CCNC: variants seen among roughly 807,000 people sequenced by gnomAD.
CCNC encodes the protein cyclin C, also known as cyclin-C.
CCNC carries 19 observed loss-of-function variants against 50.0 expected under a neutral mutation model. The ratio of observed to expected loss-of-function variants is 0.38; its 90% CI spans 0.27 to 0.56. The LOEUF (loss-of-function observed/expected upper bound fraction) is 0.56. Among genes scored for constraint, CCNC ranks in the 20% least tolerant of loss-of-function variants. CCNC has a pLI of 0.72. For synonymous variants in CCNC, 93 were observed against 103.7 expected, an observed-to-expected ratio of 0.90 and a Z score of 0.63; for missense variants, 200 against 327.1, an observed-to-expected ratio of 0.61 and a Z score of 3.00.
chr6:99,557,779 A>G (rs1802591358), intron 5 of CCNC: 2 of 125,744 alleles, frequency 1.6e-5, no homozygotes, highest in Middle Eastern at 8.5e-3. Flanking sequence ...ACAGAGCGAG[A>G]CTCTGTCTCA....
intron 9 of CCNC, among the ~76,000 whole-genome samples, chr6:99,549,143 G>A (rs903250702): frequency 2.6e-5 from 4 of 152,136 alleles, no homozygotes; most frequent in Non-Finnish European, 5.9e-5. Flanking sequence ...CTCAACCTCT[G>A]AGTATTTGTT....
chr6:99,545,083 G>T, intron 11 of CCNC, 29 bp downstream of exon 11: 3 of 1,022,916 alleles, frequency 2.9e-6, no homozygotes, highest in Non-Finnish European at 3.1e-6. Flanking sequence ...ATGATTAAAT[G>T]ACATCAATAA....
chr6:99,555,543 C>T (rs1303333136), intron 5 of CCNC, among the ~76,000 whole-genome samples: 1 of 151,928 alleles, frequency 6.6e-6, no homozygotes, highest in Non-Finnish European at 1.5e-5. Flanking sequence ...GCTTAGGCAA[C>T]CCTCCCACTT....
At chr6:99,551,708 T>C (rs1802307854) in intron 6 of CCNC, 132 bp downstream of exon 6, 3 of 493,710 alleles carry the variant, frequency 6.1e-6, no homozygotes, top group Middle Eastern at 6.3e-4. Flanking sequence ...AGCTTTAATT[T>C]AGAATAATGT....
At position 99,551,907 on chromosome 6, in the gene CCNC, A is replaced by G. The variant is rs1304942199; in HGVS notation, c.347-12T>C. 1 of 1,248,978 alleles carries G rather than the reference A, an allele frequency of 8.0e-7. No homozygotes were observed. Among genetic ancestry groups the G allele is most frequent in the Middle Eastern group, 2.1e-4 (1 of 4,872 alleles). 77.4% of individuals were successfully genotyped at this position (1,248,978 alleles called of 1,614,324 possible). ...AAATCTAGTTTTTACTGCAGAAAAT[A>G]AAAAAAAAATTTAAACTGAGAAAAT... On this transcript the variant is annotated splice_polypyrimidine_tract_variant and intron_variant, in intron 5 of 11. Coordinates refer to ENST00000520429, the MANE Select transcript of CCNC (RefSeq NM_005190.4).
At chr6:99,567,948 CT>C (rs1034343804) in intron 1 of CCNC, 4 of 153,164 alleles carry the variant, frequency 2.6e-5, no homozygotes, top group Admixed American at 6.5e-5. Context: ...TGCCCTATAC[CT>C]TATCAATATA....
intron 5 of CCNC, among the ~76,000 whole-genome samples, chr6:99,556,636 G>A (rs748486434): frequency 6.6e-6 from 1 of 152,102 alleles, no homozygotes; most frequent in Non-Finnish European, 1.5e-5. Context: ...TTACCCTCAT[G>A]TGTAAAAATA....
At position 99,561,357 on chromosome 6, in the gene CCNC, T is replaced by G; in HGVS notation, c.294+10A>C. 1 of 1,580,370 alleles carries G rather than the reference T, an allele frequency of 6.3e-7. No homozygotes were observed. Among genetic ancestry groups the G allele is most frequent in the Non-Finnish European group, 8.7e-7 (1 of 1,150,150 alleles). On this transcript the variant is annotated intron_variant, in intron 4 of 11. Transcript: ENST00000520429. ...TACACTTTGATGAAGAACAGAAAATTGTTTTATACCTCTACTTTGGATGCC... is the reference window on the plus strand; with the variant it reads ...TACACTTTGATGAAGAACAGAAAATGGTTTTATACCTCTACTTTGGATGCC...
chr6:99,562,799 G>A (rs772528270), intron 2 of CCNC, 43 bp downstream of exon 2: 6 of 1,105,200 alleles, frequency 5.4e-6, no homozygotes, highest in Non-Finnish European at 1.3e-6. Context: ...TTATTCAGAG[G>A]TAACCAACTA....
At chr6:99,548,802 CAAAAAA>C (rs71021744) in intron 9 of CCNC, among the ~76,000 whole-genome samples, 3 of 106,554 alleles carry the variant, frequency 2.8e-5, no homozygotes, top group Admixed American at 9.7e-5. Flanking sequence ...GACTCCATCT[CAAAAAA>C]AAAAAAAAAA....
At position 99,545,132 on chromosome 6, in the gene CCNC, TTTTGGC is replaced by T. The variant is rs1321567830; in HGVS notation, c.771_776del (p.Met257_Lys259delinsIle). Reference sequence around the variant, plus strand: ...AGTACCTGTTTGGAGGTGGTTTTGGTTTTGGCATCTTACTAAGAATGGTTGCCATCT... The same window carrying T: ...AGTACCTGTTTGGAGGTGGTTTTGGTATCTTACTAAGAATGGTTGCCATCT... On this transcript the variant is annotated inframe_deletion, in exon 11 of 12. Coordinates refer to ENST00000520429, the MANE Select transcript of CCNC (RefSeq NM_005190.4). 6.3e-7 allele frequency: 1 copy of T among 1,599,718 alleles called. No individual in the cohort carries two copies.
intron 4 of CCNC, among the ~76,000 whole-genome samples, chr6:99,559,210 TATAA>T (rs918719631): frequency 1.3e-5 from 2 of 149,788 alleles, no homozygotes; most frequent in African/African-American, 2.5e-5. Context: ...AAAAAAACCA[TATAA>T]ATAGTTACTA....
chr6:99,566,702 G>A (rs906033402), intron 1 of CCNC, among the ~76,000 whole-genome samples: 21 of 152,042 alleles, frequency 1.4e-4, no homozygotes, highest in African/African-American at 5.1e-4. Flanking sequence ...AACTCTGTAT[G>A]GAGAATAAAC....
chr6:99,563,013 CA>C (rs1429373216), intron 1 of CCNC, 65 bp from the exon 2 acceptor site: 1 of 973,394 alleles, frequency 1.0e-6, no homozygotes, highest in African/African-American at 1.6e-5. Context: ...AGATTGAACA[CA>C]TTGTTCATAT....
At chr6:99,556,946 A>G (rs1480230284) in intron 5 of CCNC, among the ~76,000 whole-genome samples, 3 of 152,364 alleles carry the variant, frequency 2.0e-5, no homozygotes, top group South Asian at 2.1e-4. Context: ...ATTACTGTCA[A>G]TAGAACAAAG....
chr6:99,543,115 T>G lies in CCNC; in HGVS notation c.*440A>C, dbSNP rs1447937305. ...AAGATTTGATTCCTTAAATACAGTT[T>G]TAAAGTTAAACTTATGGAGGGAAAA... On this transcript the variant is annotated 3_prime_UTR_variant, in exon 12 of 12. Coordinates refer to ENST00000520429, the MANE Select transcript of CCNC (RefSeq NM_005190.4). 1 of 152,906 alleles carries G rather than the reference T, an allele frequency of 6.5e-6. No homozygotes were observed. The highest frequency in any genetic ancestry group is 2.4e-5 in the African/African-American group (1 of 41,454). The allele number at this position is 152,906 out of a possible 1,614,324, so 9.5% of individuals were successfully genotyped here. A position where few individuals can be genotyped will look rare whatever the true frequency, so the allele number is the denominator to read the frequency against.
At chr6:99,555,961 T>G (rs1802493823) in intron 5 of CCNC, among the ~76,000 whole-genome samples, 1 of 151,456 alleles carries the variant, frequency 6.6e-6, no homozygotes. Flanking sequence ...ATCCCTTCTT[T>G]TTATAAGAAC....
chr6:99,552,796 A>G (rs1011794070), intron 5 of CCNC, among the ~76,000 whole-genome samples: 1 of 152,162 alleles, frequency 6.6e-6, no homozygotes, highest in African/African-American at 2.4e-5. Flanking sequence ...TAATCCCAGC[A>G]CTTTGGGAGG....
intron 5 of CCNC, among the ~76,000 whole-genome samples, 192 bp from the exon 6 acceptor site, chr6:99,552,087 C>T (rs1802324609): frequency 6.6e-6 from 1 of 151,944 alleles, no homozygotes; most frequent in Non-Finnish European, 1.5e-5. Flanking sequence ...ACACTCTACA[C>T]AGCTTCAATT....
Sources: allele counts gnomAD v4.1 joint callset (sites outside exome capture counted in the v4.1 genomes callset), GRCh38; gene constraint gnomAD v4.1.1; transcripts MANE v1.5; gene names NCBI Gene and HGNC (gene_info 2026-07-23, HGNC 2026-07-21).